AR: variants seen among roughly 807,000 people sequenced by gnomAD.
AR encodes the protein dihydrotestosterone receptor.
AR carries 8 observed loss-of-function variants against 53.9 expected under a neutral mutation model. That is an observed-to-expected ratio of 0.15 (90% confidence interval 0.09 to 0.27). The LOEUF is 0.27. Ranked by LOEUF, AR falls within the 10% of genes least tolerant of loss-of-function variation. AR has a pLI of 1.00. For synonymous variants in AR, 359 were observed against 316.4 expected (o/e 1.13, Z -1.43); for missense variants, 639 against 742.5 (o/e 0.86, Z 1.62).
chrX:67,650,719 C>T (rs1926294932), intron 2 of AR, among the ~76,000 whole-genome samples: 1 of 112,034 alleles, frequency 8.9e-6, no homozygotes, highest in African/African-American at 3.2e-5. Flanking sequence ...AGCTTTCTAC[C>T]TACAAACCTG....
chrX:67,708,923 C>T lies in AR; in HGVS notation c.1886-2479C>T, dbSNP rs189589950. On this transcript the variant is annotated intron_variant, in intron 3 of 7. Coordinates refer to ENST00000374690, the MANE Select transcript of AR (RefSeq NM_000044.6). ...GAGGTCCACTCTAGACCCTGTTTGCCTGGGTGTCGGCAGCAGAGGCTCAGA... is the reference window on the plus strand; with the variant it reads ...GAGGTCCACTCTAGACCCTGTTTGCTTGGGTGTCGGCAGCAGAGGCTCAGA... 8.0e-5 allele frequency among the ~76,000 whole-genome samples: 9 copies of T among 112,086 alleles called. No individual in the cohort carries two copies. The East Asian group carries it at 2.2e-3, about 28-fold the overall frequency.
chrX:67,667,938 G>A (rs1927350624), intron 2 of AR, among the ~76,000 whole-genome samples: 1 of 111,596 alleles, frequency 9.0e-6, no homozygotes, highest in Non-Finnish European at 1.9e-5. Flanking sequence ...TACTGAATTT[G>A]TTTATCAGTT....
At chrX:67,690,387 T>C (rs911018471) in intron 3 of AR, among the ~76,000 whole-genome samples, 2 of 111,927 alleles carry the variant, frequency 1.8e-5, no homozygotes, top group South Asian at 7.6e-4. Flanking sequence ...GCAGTTTCCA[T>C]TGTTGAAGAC....
intron 2 of AR, among the ~76,000 whole-genome samples, chrX:67,658,853 C>A (rs1419304127): frequency 8.9e-6 from 1 of 111,965 alleles, no homozygotes; most frequent in East Asian, 2.8e-4. Context: ...AGTAATCAAA[C>A]AGAATTTTAA....
chrX:67,563,806 C>T (rs762939159), intron 1 of AR, among the ~76,000 whole-genome samples: 1 of 112,268 alleles, frequency 8.9e-6, no homozygotes, highest in Non-Finnish European at 1.9e-5. Flanking sequence ...GAAGATTCCT[C>T]TTCTTGGCCA....
intron 3 of AR, among the ~76,000 whole-genome samples, chrX:67,687,801 C>T (rs1350065481): frequency 4.5e-5 from 5 of 112,077 alleles, no homozygotes; most frequent in African/African-American, 1.6e-4. Flanking sequence ...AATTGCAAGT[C>T]CACTTTGATG....
chrX:67,586,112 T>A (rs1220229904), intron 1 of AR, among the ~76,000 whole-genome samples: 1 of 111,736 alleles, frequency 8.9e-6, no homozygotes, highest in East Asian at 2.8e-4. Context: ...TTACTCAGGA[T>A]GAAATTTCAA....
chrX:67,712,595 G>C (rs2076098040), intron 4 of AR, among the ~76,000 whole-genome samples: 1 of 112,436 alleles, frequency 8.9e-6, no homozygotes, highest in Non-Finnish European at 1.9e-5. Flanking sequence ...AGTGGAGCTA[G>C]TTTATTTAAA....
At chrX:67,638,839 C>T (rs1325015240) in intron 1 of AR, among the ~76,000 whole-genome samples, 1 of 112,223 alleles carries the variant, frequency 8.9e-6, no homozygotes, top group African/African-American at 3.2e-5. Flanking sequence ...AATTAGATCA[C>T]ATTTGTCAAT....
rs776511776 is a variant in AR, at chrX:67,682,687, T to C, written c.1769-3323T>C. ...AGCCTCATCCATATATTTGGAGAAA[T>C]TGAATAAATAATAGGAAAGAAATAA... On this transcript the variant is annotated intron_variant, in intron 2 of 7. Transcript: ENST00000374690. Among the ~76,000 whole-genome samples, 6 of 111,479 alleles carry C rather than the reference T, an allele frequency of 5.4e-5. No homozygotes were observed. The South Asian group carries it at 2.3e-3, about 42-fold the overall frequency.
rs188008929 is a variant in AR, at chrX:67,619,436, G to A, written c.1617-23820G>A. Among the ~76,000 whole-genome samples the A allele has an allele frequency of 1.1e-4, 12 of 110,612 alleles. No homozygotes were observed. The East Asian group carries it at 2.6e-3, about 24-fold the overall frequency. On this transcript the variant is annotated intron_variant, in intron 1 of 7. Transcript: ENST00000374690. ...TGGATGGCAGTGATAGGTGGGGTGCGTTGAGGGAAGTGTATTACATTAAGT... is the reference window on the plus strand; with the variant it reads ...TGGATGGCAGTGATAGGTGGGGTGCATTGAGGGAAGTGTATTACATTAAGT...
chrX:67,546,504 G>A lies in AR; in HGVS notation c.1358G>A (p.Gly453Asp), dbSNP rs2147321585. Reference protein sequence around the residue: ...EGQLYGPCGGGGGGGGGGGGG... With the variant: ...EGQLYGPCGGDGGGGGGGGGG... The stretch of plus-strand genomic sequence containing the variant: ...CAGTTGTATGGACCGTGTGGTGGTG[G>A]TGGGGGTGGTGGCGGCGGCGGCGGC... Residue 453 changes from glycine (G) to aspartate (D), a missense_variant, in exon 1 of 8, where the codon GGT (glycine) becomes GAT (aspartate). By Grantham distance (94) the Gly-to-Asp change is moderately conservative. Coordinates refer to ENST00000374690, the MANE Select transcript of AR (RefSeq NM_000044.6). 2 of 1,002,124 alleles carry A rather than the reference G, an allele frequency of 2.0e-6. No individual in the cohort carries two copies. Among genetic ancestry groups the A allele is most frequent in the Non-Finnish European group, 2.5e-6 (2 of 788,075 alleles). 82.6% of individuals were successfully genotyped at this position (1,002,124 alleles called of 1,213,427 possible).
intron 2 of AR, among the ~76,000 whole-genome samples, chrX:67,670,001 C>T (rs1484067828): frequency 1.0e-5 from 1 of 98,950 alleles, no homozygotes; most frequent in Non-Finnish European, 2.0e-5. Context: ...TAAAATAATA[C>T]TATTTTTTAA....
intron 3 of AR, 123 bp downstream of exon 3, chrX:67,686,249 C>A: frequency 1.3e-6 from 1 of 784,630 alleles, no homozygotes; most frequent in Non-Finnish European, 1.9e-6. Flanking sequence ...ATGCTCTAGA[C>A]ACAGGCTGAC....
intron 2 of AR, among the ~76,000 whole-genome samples, chrX:67,666,688 G>A (rs1455523584): frequency 9.0e-6 from 1 of 111,380 alleles, no homozygotes; most frequent in Admixed American, 9.6e-5. Flanking sequence ...AGTGTATGAG[G>A]ATACTCTTTT....
intron 4 of AR, among the ~76,000 whole-genome samples, chrX:67,715,834 A>G (rs956505727): frequency 2.7e-5 from 3 of 111,974 alleles, no homozygotes; most frequent in African/African-American, 9.7e-5. Flanking sequence ...AGCATTCCTA[A>G]TGAGGTATGA....
intron 3 of AR, among the ~76,000 whole-genome samples, chrX:67,706,042 G>C (rs2076065388): frequency 8.9e-6 from 1 of 111,844 alleles, no homozygotes; most frequent in Non-Finnish European, 1.9e-5. Flanking sequence ...GCTGGATTCA[G>C]TTTGCCAGTA....
chrX:67,627,994 A>G (rs1305040336), intron 1 of AR, among the ~76,000 whole-genome samples: 8 of 111,462 alleles, frequency 7.2e-5, no homozygotes, highest in Non-Finnish European at 1.5e-4. Context: ...TCATTGATCT[A>G]TATCTCTCTT....
At chrX:67,583,283 A>AT (rs1922376017) in intron 1 of AR, among the ~76,000 whole-genome samples, 1 of 112,133 alleles carries the variant, frequency 8.9e-6, no homozygotes, top group Admixed American at 9.5e-5. Context: ...AAAGAACCAC[A>AT]TTCTATTCAC....
Sources: gnomAD v4.1 joint callset for allele counts (sites outside exome capture counted in the v4.1 genomes callset) on GRCh38, gnomAD v4.1.1 for gene constraint, MANE v1.5 for transcripts, NCBI Gene and HGNC (gene_info 2026-07-23, HGNC 2026-07-21) for gene names.